Variants in PTPRQ observed in about 807,000 individuals in gnomAD.
The protein encoded by PTPRQ is phosphatidylinositol phosphatase PTPRQ.
In PTPRQ, 199 loss-of-function variants were observed where a neutral mutation model predicts 246.0. That is an observed-to-expected ratio of 0.81 (90% confidence interval 0.72 to 0.91). The LOEUF (loss-of-function observed/expected upper bound fraction) is 0.91, where lower values mean the gene tolerates loss of function less well. Ranked by LOEUF, PTPRQ falls within the 40% of genes least tolerant of loss-of-function variation. The pLI is 0.00. For synonymous variants in PTPRQ, 869 were observed against 853.2 expected (o/e 1.02, Z -0.32); for missense variants, 2,624 against 2,528.4 (o/e 1.04, Z -0.81).
chr12:80,596,395 C>T (rs1377938710), intron 26 of PTPRQ, among the ~76,000 whole-genome samples: 1 of 151,214 alleles, frequency 6.6e-6, no homozygotes, highest in Non-Finnish European at 1.5e-5. Flanking sequence ...AAAAATCAAA[C>T]AAAGAAAAGT....
intron 39 of PTPRQ, among the ~76,000 whole-genome samples, chr12:80,667,699 A>C (rs539682458): frequency 6.6e-6 from 1 of 152,050 alleles, no homozygotes; most frequent in East Asian, 1.9e-4. Context: ...AAATCAACCA[A>C]AATGTTAATG....
At chr12:80,675,351 CT>C (rs1156749302) in intron 43 of PTPRQ, among the ~76,000 whole-genome samples, 1 of 152,158 alleles carries the variant, frequency 6.6e-6, no homozygotes, top group Non-Finnish European at 1.5e-5. Flanking sequence ...GGTAGCTGGT[CT>C]TTATCAAGGG....
At chr12:80,545,575 C>T (rs1011776625) in intron 23 of PTPRQ, among the ~76,000 whole-genome samples, 2 of 151,710 alleles carry the variant, frequency 1.3e-5, no homozygotes, top group Non-Finnish European at 2.9e-5. Flanking sequence ...AAACTTTGTA[C>T]TTAATGATAA....
At chr12:80,632,113 A>G in intron 33 of PTPRQ, 79 bp from the exon 34 acceptor site, 3 of 1,485,108 alleles carry the variant, frequency 2.0e-6, no homozygotes, top group Non-Finnish European at 2.7e-6. Flanking sequence ...TTATGCCAAG[A>G]TAATATTTTT....
chr12:80,579,277 A>G (rs916355215), intron 25 of PTPRQ, among the ~76,000 whole-genome samples: 2 of 152,156 alleles, frequency 1.3e-5, no homozygotes, highest in African/African-American at 2.4e-5. Flanking sequence ...ACTGCTTTCA[A>G]ACTTTCACTG....
chr12:80,608,801 G>T (rs1254041048), intron 27 of PTPRQ, among the ~76,000 whole-genome samples: 1 of 150,444 alleles, frequency 6.6e-6, no homozygotes, highest in East Asian at 2.0e-4. Context: ...ATTGAGTGGG[G>T]CTCCAATGAA....
intron 29 of PTPRQ, among the ~76,000 whole-genome samples, chr12:80,614,146 C>A (rs1200381662): frequency 6.7e-6 from 1 of 149,994 alleles, no homozygotes; most frequent in Non-Finnish European, 1.5e-5. Context: ...GATAACTCTG[C>A]CTAAAAAAAA....
chr12:80,656,861 T>TGATATAAA (rs1900457274), intron 38 of PTPRQ, among the ~76,000 whole-genome samples: 1 of 141,150 alleles, frequency 7.1e-6, no homozygotes, highest in Admixed American at 6.9e-5. Flanking sequence ...AAAGATATAT[T>TGATATAAA]TATACCTCAT....
At chr12:80,515,110 C>G (rs769722503) in intron 17 of PTPRQ, among the ~76,000 whole-genome samples, 2 of 151,960 alleles carry the variant, frequency 1.3e-5, no homozygotes, top group Admixed American at 6.6e-5. Flanking sequence ...AGGAAATGGT[C>G]ATAATTCTGG....
intron 35 of PTPRQ, among the ~76,000 whole-genome samples, chr12:80,640,554 A>G (rs1267737608): frequency 6.6e-6 from 1 of 152,212 alleles, no homozygotes; most frequent in Non-Finnish European, 1.5e-5. Context: ...TGTATACTAA[A>G]TAATGAATCT....
chr12:80,624,884 T>C (rs1899139403), intron 33 of PTPRQ, among the ~76,000 whole-genome samples: 1 of 152,058 alleles, frequency 6.6e-6, no homozygotes, highest in Admixed American at 6.6e-5. Flanking sequence ...ACACTAACAA[T>C]AGCCGATGAA....
In PTPRQ at chr12:80,494,986, G is replaced by T. The variant is rs1894566560; in HGVS notation, c.1594G>T (p.Val532Phe). ...TDIAAEQLSYVIRRLVPFTEH... is the reference protein window; with the variant it reads ...TDIAAEQLSYFIRRLVPFTEH... Reference sequence around the variant, plus strand: ...CATTGCAGCTGAACAGCTGTCTTATGTTATCAGGAGACTTGTACCTTTCAC... The same window carrying T: ...CATTGCAGCTGAACAGCTGTCTTATTTTATCAGGAGACTTGTACCTTTCAC... Residue 532 changes from valine to phenylalanine, a missense_variant, in exon 11 of 45, where the codon GTT (valine) becomes TTT (phenylalanine). Transcript: ENST00000644991. The T allele has an allele frequency of 6.5e-7, 1 of 1,550,116 alleles. No individual in the cohort carries two copies. The highest frequency in any genetic ancestry group is 8.7e-7 in the Non-Finnish European group (1 of 1,146,074).
chr12:80,612,634 T>C (rs561343979), intron 28 of PTPRQ, among the ~76,000 whole-genome samples: 306 of 150,496 alleles, frequency 2.0e-3, no homozygotes, highest in Non-Finnish European at 3.3e-3. Context: ...CAGCCACTTA[T>C]AAAACTAAAC....
rs34551502 is a variant in PTPRQ, at chr12:80,532,040, CT to C, written c.2679-1966del. Among the ~76,000 whole-genome samples, 13 of 150,308 alleles carry C rather than the reference CT, an allele frequency of 8.6e-5. No individual in the cohort carries two copies. In the South Asian group the frequency reaches 1.5e-3, roughly 17 times the overall value. On this transcript the variant is annotated intron_variant, in intron 17 of 44. Coordinates refer to ENST00000644991, the MANE Select transcript of PTPRQ (RefSeq NM_001145026.2). ...ATTATCTATGGAACATAATCTGAGG[CT>C]TTTTTTTTACAGTTGGTAGATACTT...
intron 10 of PTPRQ, 70 bp downstream of exon 10, chr12:80,493,525 T>G (rs1028346870): frequency 2.1e-6 from 3 of 1,451,642 alleles, no homozygotes; most frequent in African/African-American, 1.4e-5. Flanking sequence ...GAAATGAACC[T>G]AAGCTTAGAG....
intron 18 of PTPRQ, among the ~76,000 whole-genome samples, chr12:80,534,404 A>G (rs1251872258): frequency 1.3e-5 from 2 of 151,988 alleles, no homozygotes; most frequent in Non-Finnish European, 2.9e-5. Flanking sequence ...ATTCTACTTC[A>G]CAGGGTTCTT....
chr12:80,529,313 A>G (rs2120787418), intron 17 of PTPRQ, among the ~76,000 whole-genome samples: 1 of 152,322 alleles, frequency 6.6e-6, no homozygotes. Context: ...GGATTAATCT[A>G]CAACATTTAG....
chr12:80,444,406 C>G lies in PTPRQ; in HGVS notation c.54+7C>G. ...TGGGACTTCAGAGACACAGGTATTT[C>G]GTATACACTCTTTAAAAACAAGGGC... On this transcript the variant is annotated splice_region_variant and intron_variant, in intron 1 of 44. Coordinates refer to ENST00000644991, the MANE Select transcript of PTPRQ (RefSeq NM_001145026.2). 1 of 1,415,320 alleles carries G rather than the reference C, an allele frequency of 7.1e-7. No homozygotes were observed. The highest frequency in any genetic ancestry group is 2.5e-5 in the East Asian group (1 of 40,120). 87.7% of individuals were successfully genotyped at this position (1,415,320 alleles called of 1,614,324 possible). A position where few individuals can be genotyped will look rare whatever the true frequency, so the allele number is the denominator to read the frequency against.
intron 35 of PTPRQ, among the ~76,000 whole-genome samples, chr12:80,639,589 TA>T (rs1899782101): frequency 6.6e-6 from 1 of 152,206 alleles, no homozygotes; most frequent in African/African-American, 2.4e-5. Context: ...TCTTCTTCAA[TA>T]ATTTTCTTTC....
Sources: allele counts gnomAD v4.1 joint callset (sites outside exome capture counted in the v4.1 genomes callset), GRCh38; gene constraint gnomAD v4.1.1; transcripts MANE v1.5; gene names NCBI Gene and HGNC (gene_info 2026-07-23, HGNC 2026-07-21).